Variants in ZNF490 observed in about 807,000 individuals in gnomAD.
ZNF490 encodes zinc finger protein 490.
In ZNF490, 11 loss-of-function variants were observed where a neutral mutation model predicts 17.7. The observed-to-expected ratio is 0.62, with a 90% CI of 0.39 to 1.03. ZNF490 has a LOEUF of 1.03. Ranked by LOEUF, ZNF490 falls within the 50% of genes least tolerant of loss-of-function variation. ZNF490 has a pLI of 0.00. For missense variants in ZNF490, 542 were observed against 643.4 expected (o/e 0.84, Z 1.71); for synonymous variants, 222 against 216.1 (o/e 1.03, Z -0.24).
At chr19:12,597,462 T>C (rs2022948563) in intron 2 of ZNF490, among the ~76,000 whole-genome samples, 2 of 152,170 alleles carry the variant, frequency 1.3e-5, no homozygotes, top group Non-Finnish European at 2.9e-5. Flanking sequence ...TATTTGCATG[T>C]AAGAGGAATT....
chr19:12,584,141 A>C lies in ZNF490; in HGVS notation c.163-585T>G. Among the ~76,000 whole-genome samples, 2 of 68,230 alleles carry C rather than the reference A, an allele frequency of 2.9e-5. 1 individual carries two copies. Among genetic ancestry groups the C allele is most frequent in the Non-Finnish European group, 8.0e-5 (2 of 25,102 alleles). 44.8% of individuals were successfully genotyped at this position (68,230 alleles called of 152,430 possible). On this transcript the variant is annotated intron_variant, in intron 2 of 4. Transcript: ENST00000311437. ...TCTATATTTTAACTGTGATCACTTG[A>C]AGCCTTATTGTTCTTTTTCTTTTTA...
chr19:12,604,645 G>T (rs2023045800), intron 2 of ZNF490, among the ~76,000 whole-genome samples: 1 of 141,454 alleles, frequency 7.1e-6, no homozygotes, highest in Non-Finnish European at 1.5e-5. Flanking sequence ...CTGGGCAAAA[G>T]AGTGAGACTC....
chr19:12,588,968 T>C lies in ZNF490; in HGVS notation c.163-5412A>G, dbSNP rs1480608800. On this transcript the variant is annotated intron_variant, in intron 2 of 4. Transcript: ENST00000311437. ...GAGTGCCTGGCTGAAATGTAGACGA[T>C]TGAACACATATACCACCAAAGAATG... 5.9e-5 allele frequency among the ~76,000 whole-genome samples: 9 copies of C among 152,178 alleles called. 1 individual carries two copies. Among genetic ancestry groups the C allele is most frequent in the Admixed American group, 4.6e-4 (7 of 15,262 alleles).
intron 2 of ZNF490, 59 bp from the exon 3 acceptor site, chr19:12,583,615 C>T (rs2022768638): frequency 8.9e-6 from 13 of 1,463,740 alleles, no homozygotes; most frequent in Non-Finnish European, 1.0e-5. Flanking sequence ...AGTGAGGATC[C>T]ATTCTCAGAA....
chr19:12,608,742 T>A (rs1211146591), intron 2 of ZNF490, among the ~76,000 whole-genome samples: 2 of 152,122 alleles, frequency 1.3e-5, no homozygotes, highest in Non-Finnish European at 2.9e-5. Flanking sequence ...CCCAAAGTGC[T>A]GAGATTACAG....
At chr19:12,598,212 G>A (rs1212108208) in intron 2 of ZNF490, among the ~76,000 whole-genome samples, 3 of 147,998 alleles carry the variant, frequency 2.0e-5, no homozygotes, top group Admixed American at 6.9e-5. Context: ...GGCAGAGCGA[G>A]ACTCTGTCTC....
intron 2 of ZNF490, among the ~76,000 whole-genome samples, chr19:12,590,251 T>A (rs1465353549): frequency 6.7e-6 from 1 of 148,412 alleles, no homozygotes; most frequent in African/African-American, 2.5e-5. Flanking sequence ...TTTCGCTCTG[T>A]TGCCCAGGCT....
chr19:12,591,389 C>T (rs1165709953), intron 2 of ZNF490, among the ~76,000 whole-genome samples: 2 of 149,520 alleles, frequency 1.3e-5, no homozygotes, highest in African/African-American at 2.5e-5. Context: ...CCATCCCCGC[C>T]GCCCCCCCAA....
chr19:12,600,315 C>G (rs952769693), intron 2 of ZNF490, among the ~76,000 whole-genome samples: 5 of 151,322 alleles, frequency 3.3e-5, no homozygotes, highest in Non-Finnish European at 7.4e-5. Flanking sequence ...TGCAGTGAGC[C>G]GAGATGTGCC....
intron 2 of ZNF490, among the ~76,000 whole-genome samples, chr19:12,604,785 T>C (rs1201193930): frequency 6.7e-6 from 1 of 150,256 alleles, no homozygotes; most frequent in East Asian, 2.0e-4. Context: ...GATCGCGCCA[T>C]TGCACTCCAG....
chr19:12,607,435 A>G (rs1208509766), intron 2 of ZNF490, among the ~76,000 whole-genome samples: 1 of 151,192 alleles, frequency 6.6e-6, no homozygotes, highest in African/African-American at 2.4e-5. Context: ...CCCAGCTACT[A>G]GGGAGCCTGT....
At chr19:12,604,832 A>T (rs112523771) in intron 2 of ZNF490, among the ~76,000 whole-genome samples, 4,263 of 151,330 alleles carry the variant, frequency 0.028, 120 homozygotes, top group African/African-American at 0.062. Flanking sequence ...CTCAAAAAAA[A>T]AATAATAATA....
In ZNF490 at chr19:12,578,489, A is replaced by G; in HGVS notation, c.*1996T>C. On this transcript the variant is annotated 3_prime_UTR_variant, in exon 5 of 5. Transcript: ENST00000311437. The stretch of plus-strand genomic sequence containing the variant: ...TTGCCACAGAGAAATTCAGATGTGA[A>G]TGTTTAAACAAGTGTCCAAAGTGTA... The G allele has an allele frequency of 1.0e-6, 1 of 985,412 alleles. No homozygotes were observed. The highest frequency in any genetic ancestry group is 1.2e-6 in the Non-Finnish European group (1 of 829,932). 61.0% of individuals were successfully genotyped at this position (985,412 alleles called of 1,614,324 possible). A position where few individuals can be genotyped will look rare whatever the true frequency, so the allele number is the denominator to read the frequency against.
At chr19:12,601,785 G>A (rs1247055572) in intron 2 of ZNF490, among the ~76,000 whole-genome samples, 1 of 152,028 alleles carries the variant, frequency 6.6e-6, no homozygotes, top group African/African-American at 2.4e-5. Context: ...GAGGTCAGGA[G>A]ATCGAGACCA....
Position 12,577,528 on chromosome 19 carries a change from C to G in ZNF490, c.*2957G>C. The G allele has an allele frequency of 1.7e-6, 1 of 579,624 alleles. No individual in the cohort carries two copies. The highest frequency in any genetic ancestry group is 2.0e-6 in the Non-Finnish European group (1 of 512,226). The allele number at this position is 579,624 out of a possible 1,614,324, so 35.9% of individuals were successfully genotyped here. A position where few individuals can be genotyped will look rare whatever the true frequency, so the allele number is the denominator to read the frequency against. On this transcript the variant is annotated 3_prime_UTR_variant, in exon 5 of 5. Transcript: ENST00000311437. ...CCATAAATGTTCCTGGTGAGAGAAG[C>G]GAATGTTCCTGGTGAGAGAAGCGAA...
chr19:12,602,246 T>G, intron 2 of ZNF490, among the ~76,000 whole-genome samples: 1 of 152,044 alleles, frequency 6.6e-6, no homozygotes, highest in South Asian at 2.1e-4. Context: ...ATAAATTAAA[T>G]TGTATATCAG....
chr19:12,576,567 C>G lies in ZNF490; in HGVS notation c.*3918G>C, dbSNP rs1245481870. On this transcript the variant is annotated 3_prime_UTR_variant, in exon 5 of 5. Coordinates refer to ENST00000311437, the MANE Select transcript of ZNF490 (RefSeq NM_020714.3). ...GAGTGGCTCACGCCTGTAATCCCAG[C>G]ACTTTGGGGAGACCGAGGTGGGTGG... Among the ~76,000 whole-genome samples the G allele has an allele frequency of 6.6e-6, 1 of 151,478 alleles. No homozygotes were observed. Among genetic ancestry groups the G allele is most frequent in the Non-Finnish European group, 1.5e-5 (1 of 67,910 alleles).
Position 12,578,394 on chromosome 19 carries a change from T to C in ZNF490, c.*2091A>G. On this transcript the variant is annotated 3_prime_UTR_variant, in exon 5 of 5. Coordinates refer to ENST00000311437, the MANE Select transcript of ZNF490 (RefSeq NM_020714.3). The stretch of plus-strand genomic sequence containing the variant: ...TAACCGCAGGAGAGTGGATGCTGTG[T>C]GGTCAAGGGGTGTGTGTCCCATGAT... 6.1e-6 allele frequency: 6 copies of C among 985,566 alleles called. No individual in the cohort carries two copies. The highest frequency in any genetic ancestry group is 7.2e-6 in the Non-Finnish European group (6 of 830,040). 61.1% of individuals were successfully genotyped at this position (985,566 alleles called of 1,614,324 possible). A position where few individuals can be genotyped will look rare whatever the true frequency, so the allele number is the denominator to read the frequency against.
Position 12,582,837 on chromosome 19 carries a change from G to C in ZNF490, c.350+13C>G. 1 of 1,595,538 alleles carries C rather than the reference G, an allele frequency of 6.3e-7. No homozygotes were observed. Among genetic ancestry groups the C allele is most frequent in the Non-Finnish European group, 8.6e-7 (1 of 1,164,314 alleles). ...TCTCAGGGGCTATATAATTATTTGTGAATGCAACTCACCTTAGATTTCTTC... is the reference window on the plus strand; with the variant it reads ...TCTCAGGGGCTATATAATTATTTGTCAATGCAACTCACCTTAGATTTCTTC... On this transcript the variant is annotated intron_variant, in intron 4 of 4. Transcript: ENST00000311437.
Sources: allele counts gnomAD v4.1 joint callset (sites outside exome capture counted in the v4.1 genomes callset), GRCh38; gene constraint gnomAD v4.1.1; transcripts MANE v1.5; gene names NCBI Gene and HGNC (gene_info 2026-07-23, HGNC 2026-07-21).